The following GRID2IP variants were observed in gnomAD, a reference collection of about 807,000 sequenced individuals.
GRID2IP encodes the protein delphilin.
Under a neutral mutation model 114.3 loss-of-function variants are expected in GRID2IP, and 78 were observed. That is an observed-to-expected ratio of 0.68 (90% CI 0.57 to 0.82). GRID2IP has a LOEUF of 0.82. GRID2IP is among the 40% of genes least tolerant of loss of function. GRID2IP has a pLI of 0.00. For synonymous variants in GRID2IP, 809 were observed against 724.0 expected (o/e 1.12, Z -1.89); for missense variants, 1,727 against 1,678.5 (o/e 1.03, Z -0.51).
chr7:6,537,350 C>A (rs999172506), intron 2 of GRID2IP, among the ~76,000 whole-genome samples: 3 of 143,276 alleles, frequency 2.1e-5, no homozygotes, highest in Non-Finnish European at 4.5e-5. Flanking sequence ...TCGAGACCAG[C>A]CTGGCAAATA....
In GRID2IP at chr7:6,509,165, G is replaced by T. The variant is rs1302741827; in HGVS notation, c.1920C>A (p.Ser640=). ...AGATGGGCCCGGGGCCTGGCTGTGG[G>T]GAGGGTGCCCTGCTGCTGTCCAGGC... ...YASLDSSRAP[S]PQPGPGPICP... Residue 640 remains serine, a synonymous_variant, in exon 12 of 22, where the codon TCC becomes TCA. Coordinates refer to ENST00000457091, the MANE Select transcript of GRID2IP (RefSeq NM_001145118.2). The surrounding 1 kb of genome is among the most constrained non-coding windows in gnomAD (Gnocchi z 4.9). 6.8e-7 allele frequency: 1 copy of T among 1,472,938 alleles called. No homozygotes were observed. Among genetic ancestry groups the T allele is most frequent in the East Asian group, 2.5e-5 (1 of 39,734 alleles). The allele number at this position is 1,472,938 out of a possible 1,614,324, so 91.2% of individuals were successfully genotyped here. A position where few individuals can be genotyped will look rare whatever the true frequency, so the allele number is the denominator to read the frequency against.
rs1462087905 is a variant in GRID2IP at position 6,507,456 on chromosome 7, G to A, written c.2544+529C>T. Among the ~76,000 whole-genome samples, 2 of 152,096 alleles carry A rather than the reference G, an allele frequency of 1.3e-5. No individual in the cohort carries two copies. Among genetic ancestry groups the A allele is most frequent in the African/African-American group, 2.4e-5 (1 of 41,406 alleles). ...GTCTGTGGATAAGATTGCTCTGCCCGATTTTAAGGGCCAGAAAGAAAACAG... is the reference window on the plus strand; with the variant it reads ...GTCTGTGGATAAGATTGCTCTGCCCAATTTTAAGGGCCAGAAAGAAAACAG... On this transcript the variant is annotated intron_variant, in intron 13 of 21. Coordinates refer to ENST00000457091, the MANE Select transcript of GRID2IP (RefSeq NM_001145118.2). This position sits in a 1 kb window ranked among gnomAD's most constrained non-coding sequence, Gnocchi z 5.3.
At chr7:6,497,985 G>T in intron 21 of GRID2IP, 79 bp downstream of exon 21, 1 of 1,444,750 alleles carries the variant, frequency 6.9e-7, no homozygotes, top group East Asian at 2.5e-5. Flanking sequence ...CCCAGCCCTG[G>T]CTTCATGGAG....
Position 6,528,320 on chromosome 7 carries a change from G to A in GRID2IP, c.585-1551C>T, listed in dbSNP as rs529553077. ...ACCAGCAGCCTAACCCCATCTCTGA[G>A]TAATGGCAGCAGTTAACATCCTGAT... On this transcript the variant is annotated intron_variant, in intron 2 of 21. Transcript: ENST00000457091. The surrounding 1 kb of genome is among the most constrained non-coding windows in gnomAD (Gnocchi z 6.0). Among the ~76,000 whole-genome samples, 155 of 152,310 alleles carry A rather than the reference G, an allele frequency of 1.0e-3. No homozygotes were observed. Among genetic ancestry groups the A allele is most frequent in the Non-Finnish European group, 1.7e-3 (113 of 68,032 alleles).
chr7:6,500,338 C>A (rs559567077), intron 20 of GRID2IP, among the ~76,000 whole-genome samples: 2 of 152,166 alleles, frequency 1.3e-5, no homozygotes, highest in Admixed American at 1.3e-4. Flanking sequence ...GTGGTGGGCA[C>A]CTGTAATCCC....
At chr7:6,524,698 T>G (rs976300129) in intron 4 of GRID2IP, among the ~76,000 whole-genome samples, 18 of 151,272 alleles carry the variant, frequency 1.2e-4, no homozygotes, top group African/African-American at 4.1e-4. Flanking sequence ...CCAGCCTGGG[T>G]GACAGAGGGA....
rs558873380 is a variant in GRID2IP at position 6,541,781 on chromosome 7, A to G, written c.430-1909T>C. ...GGAAGGCAGGTTGTTAAGTGTGTCCAAAGCCCATCCTTCTACCCAATGATC... is the reference window on the plus strand; with the variant it reads ...GGAAGGCAGGTTGTTAAGTGTGTCCGAAGCCCATCCTTCTACCCAATGATC... On this transcript the variant is annotated intron_variant, in intron 1 of 21. Transcript: ENST00000457091. Among the ~76,000 whole-genome samples the G allele has an allele frequency of 8.5e-5, 13 of 152,282 alleles. No individual in the cohort carries two copies. In the South Asian group the frequency reaches 2.7e-3, roughly 32 times the overall value.
rs1186802963 is a variant in GRID2IP, at chr7:6,532,122, C to G, written c.585-5353G>C. The stretch of plus-strand genomic sequence containing the variant: ...GGCTCTGGGCCTGCCATCCCCTGAA[C>G]AGCAGCAGGAGGGGACCCCAGCGTG... On this transcript the variant is annotated intron_variant, in intron 2 of 21. Transcript: ENST00000457091. This position sits in a 1 kb window ranked among gnomAD's most constrained non-coding sequence, Gnocchi z 4.4. 6.6e-6 allele frequency among the ~76,000 whole-genome samples: 1 copy of G among 152,168 alleles called. No individual in the cohort carries two copies. Among genetic ancestry groups the G allele is most frequent in the Non-Finnish European group, 1.5e-5 (1 of 68,016 alleles).
At chr7:6,530,494 A>C (rs1779597514) in intron 2 of GRID2IP, among the ~76,000 whole-genome samples, 2 of 140,988 alleles carry the variant, frequency 1.4e-5, no homozygotes, top group South Asian at 4.5e-4. Flanking sequence ...CGAACTCCTG[A>C]CCTCAGAAGA....
intron 7 of GRID2IP, 36 bp from the exon 8 acceptor site, chr7:6,514,565 C>G (rs1333609112): frequency 6.8e-7 from 1 of 1,463,924 alleles, no homozygotes; most frequent in Non-Finnish European, 9.1e-7. Context: ...GCTCAATACT[C>G]ACGGGCTTAC....
rs1786424109 is a variant in GRID2IP, at chr7:6,501,831, A to G, written c.3349T>C (p.Cys1117Arg). The change falls in exon 20 of 22, where the codon TGC (cysteine) becomes CGC (arginine). Residue 1117 changes from cysteine (C) to arginine (R), a missense_variant. Physicochemically the swap from Cys to Arg is radical, Grantham distance 180. Coordinates refer to ENST00000457091, the MANE Select transcript of GRID2IP (RefSeq NM_001145118.2). ...HGTISEIQDA[C>R]QSISPSSEDK... is the part of the protein sequence containing the mutation. ...TCGCTAGAGGGGGAAATGCTCTGGC[A>G]GGCATCCTGTATCTCGCTGATAGTG... 5.8e-6 allele frequency: 9 copies of G among 1,551,448 alleles called. No homozygotes were observed. The highest frequency in any genetic ancestry group is 7.8e-6 in the Non-Finnish European group (9 of 1,146,996).
rs527708652 is a variant in GRID2IP, at chr7:6,508,752, A to G, written c.2127+206T>C. ...TAACCTGCGACAGGGAATATGGGCTAGCCTCAGTCAAGGAGCATGATAACC... is the reference window on the plus strand; with the variant it reads ...TAACCTGCGACAGGGAATATGGGCTGGCCTCAGTCAAGGAGCATGATAACC... On this transcript the variant is annotated intron_variant, in intron 12 of 21. Transcript: ENST00000457091. This position sits in a 1 kb window ranked among gnomAD's most constrained non-coding sequence, Gnocchi z 5.6. 6.6e-6 allele frequency among the ~76,000 whole-genome samples: 1 copy of G among 152,248 alleles called. No homozygotes were observed. Among genetic ancestry groups the G allele is most frequent in the East Asian group, 1.9e-4 (1 of 5,174 alleles).
At position 6,510,949 on chromosome 7, in the gene GRID2IP, C is replaced by T. The variant is rs769125927; in HGVS notation, c.1514G>A (p.Arg505His). 7.1e-6 allele frequency: 11 copies of T among 1,548,224 alleles called. No homozygotes were observed. Among genetic ancestry groups the T allele is most frequent in the East Asian group, 5.0e-5 (2 of 40,344 alleles). Reference sequence around the variant, plus strand: ...CTCCAGGCCCTGGGACCGGAGGCTGCGGCGGCACATGGAGGAAGCCCGCAG... The same window carrying T: ...CTCCAGGCCCTGGGACCGGAGGCTGTGGCGGCACATGGAGGAAGCCCGCAG... The part of the protein sequence containing the change: ...SSLRASSMCR[R>H]SLRSQGLEAG... The change falls in exon 9 of 22, where the codon CGC (arginine) becomes CAC (histidine). Residue 505 changes from arginine to histidine, a missense_variant. Physicochemically the swap from Arg to His is conservative, Grantham distance 29. Coordinates refer to ENST00000457091, the MANE Select transcript of GRID2IP (RefSeq NM_001145118.2).
chr7:6,503,170 C>A lies in GRID2IP; in HGVS notation c.2908-7G>T, dbSNP rs960503078. 27 of 1,508,448 alleles carry A rather than the reference C, an allele frequency of 1.8e-5. No homozygotes were observed. The Admixed American group carries it at 3.9e-4, about 22-fold the overall frequency. 93.4% of individuals were successfully genotyped at this position (1,508,448 alleles called of 1,614,324 possible). ...ATTCGGGAACTGACAGCATCTGCCT[C>A]GAAGGCAGAGCCAGGATTCACCCAT... On this transcript the variant is annotated splice_region_variant and splice_polypyrimidine_tract_variant and intron_variant, in intron 16 of 21. Transcript: ENST00000457091.
At chr7:6,515,148 G>A (rs996040116) in intron 7 of GRID2IP, among the ~76,000 whole-genome samples, 19 of 151,910 alleles carry the variant, frequency 1.3e-4, no homozygotes, top group African/African-American at 4.6e-4. Flanking sequence ...CTACCTCATA[G>A]AGCTGTTGTG....
At position 6,496,956 on chromosome 7, in the gene GRID2IP, C is replaced by T. The variant is rs1277266980; in HGVS notation, c.*818G>A. ...GTCCCAAACACATCCCAGATTGTGT[C>T]ATCTGCCCCCACACCTGCCCCGGTC... On this transcript the variant is annotated 3_prime_UTR_variant, in exon 22 of 22. Transcript: ENST00000457091. 6.6e-6 allele frequency among the ~76,000 whole-genome samples: 1 copy of T among 152,188 alleles called. No individual in the cohort carries two copies. Among genetic ancestry groups the T allele is most frequent in the Admixed American group, 6.5e-5 (1 of 15,268 alleles).
rs1779510538 is a variant in GRID2IP, at chr7:6,526,360, C to T, written c.834-51G>A. 1 of 1,527,094 alleles carries T rather than the reference C, an allele frequency of 6.5e-7. No homozygotes were observed. Among genetic ancestry groups the T allele is most frequent in the South Asian group, 1.2e-5 (1 of 83,640 alleles). The allele number at this position is 1,527,094 out of a possible 1,614,324, so 94.6% of individuals were successfully genotyped here. On this transcript the variant is annotated intron_variant, in intron 3 of 21. Coordinates refer to ENST00000457091, the MANE Select transcript of GRID2IP (RefSeq NM_001145118.2). The surrounding 1 kb of genome is among the most constrained non-coding windows in gnomAD (Gnocchi z 7.6). ...GCATGATGGAGAGGGGGCCCTGGGG[C>T]GCAGAGGTTGGAGATGTCCCGTGTC...
intron 10 of GRID2IP, 53 bp downstream of exon 10, chr7:6,510,556 C>T (rs1478915959): frequency 4.3e-6 from 6 of 1,404,138 alleles, no homozygotes; most frequent in Admixed American, 2.6e-5. Context: ...TCCTATGGAC[C>T]GTCCATTCCC....
At chr7:6,535,446 T>A (rs1414437294) in intron 2 of GRID2IP, among the ~76,000 whole-genome samples, 1 of 152,206 alleles carries the variant, frequency 6.6e-6, no homozygotes, top group Non-Finnish European at 1.5e-5. Flanking sequence ...GCCACTGGGA[T>A]CACCCTTTAG....
Sources: gnomAD v4.1 joint callset for allele counts (sites outside exome capture counted in the v4.1 genomes callset) on GRCh38, gnomAD v4.1.1 for gene constraint, Gnocchi (gnomAD v3.1) non-coding constraint, MANE v1.5 for transcripts, NCBI Gene and HGNC (gene_info 2026-07-23, HGNC 2026-07-21) for gene names.